Variants in KNSTRN observed in about 807,000 individuals in gnomAD.
KNSTRN encodes the protein small kinetochore-associated protein.
A neutral mutation model predicts 44.7 loss-of-function variants in KNSTRN; 38 were observed. That is an observed-to-expected ratio of 0.85 (90% CI 0.66 to 1.11). The LOEUF (loss-of-function observed/expected upper bound fraction) is 1.11. Ranked by LOEUF, KNSTRN falls within the 50% of genes most tolerant of loss-of-function variation. KNSTRN has a pLI of 0.00. For synonymous variants in KNSTRN, 158 were observed against 148.1 expected (o/e 1.07, Z -0.48); for missense variants, 406 against 375.8 (o/e 1.08, Z -0.66).
chr15:40,382,813 T>G lies in KNSTRN; in HGVS notation c.-23T>G. Reference sequence around the variant, plus strand: ...CCTTTCGCTAGGTCTGGCTCTGGCCTCTGAGCGAACCTTCCGTACAGTATG... The same window carrying G: ...CCTTTCGCTAGGTCTGGCTCTGGCCGCTGAGCGAACCTTCCGTACAGTATG... On this transcript the variant is annotated 5_prime_UTR_variant, in exon 1 of 9. Coordinates refer to ENST00000249776, the MANE Select transcript of KNSTRN (RefSeq NM_033286.4). The G allele has an allele frequency of 6.2e-7, 1 of 1,604,272 alleles. No homozygotes were observed.
chr15:40,385,332 A>T (rs188022863), intron 2 of KNSTRN, among the ~76,000 whole-genome samples: 1 of 152,324 alleles, frequency 6.6e-6, no homozygotes, highest in East Asian at 1.9e-4. Flanking sequence ...TCCTTTGGGG[A>T]AGAAGAGTGT....
Position 40,393,587 on chromosome 15 carries a change from T to G in KNSTRN, c.941T>G (p.Leu314Ter). Residue 314 changes from leucine to a stop codon, truncating the protein, a stop_gained, in exon 9 of 9, where the codon TTA becomes TGA. Coordinates refer to ENST00000249776, the MANE Select transcript of KNSTRN (RefSeq NM_033286.4). LOFTEE classifies it high-confidence loss of function. ...TTALKEMEQLLEM is the reference protein window; with the variant it reads ...TTALKEMEQL Reference sequence around the variant, plus strand: ...GCCCTTAAGGAAATGGAGCAGCTATTAGAAATGTAAGAAGAAGCAAGTGGC... The same window carrying G: ...GCCCTTAAGGAAATGGAGCAGCTATGAGAAATGTAAGAAGAAGCAAGTGGC... The G allele has an allele frequency of 1.2e-6, 2 of 1,613,648 alleles. No individual in the cohort carries two copies. The highest frequency in any genetic ancestry group is 2.2e-5 in the South Asian group (2 of 90,954).
chr15:40,385,711 G>A (rs1889889908), intron 2 of KNSTRN, among the ~76,000 whole-genome samples: 1 of 152,150 alleles, frequency 6.6e-6, no homozygotes, highest in Admixed American at 6.5e-5. Flanking sequence ...CAGAGTGCTT[G>A]GAGGAGCTTA....
In KNSTRN at chr15:40,387,190, A is replaced by C. The variant is rs759799029; in HGVS notation, c.469A>C (p.Arg157=). Reference sequence around the variant, plus strand: ...GAAAGCTACTGACACTGCCACCAGAAGGAATGTCAGAAAAGGGTGAGCATC... The same window carrying C: ...GAAAGCTACTGACACTGCCACCAGACGGAATGTCAGAAAAGGGTGAGCATC... ...QMKATDTATR[R]NVRKGYKPLS... The change falls in exon 4 of 9, where the codon AGG becomes CGG. Residue 157 remains arginine (R), a synonymous_variant. Transcript: ENST00000249776. The C allele has an allele frequency of 8.1e-6, 13 of 1,613,458 alleles. No individual in the cohort carries two copies. Among genetic ancestry groups the C allele is most frequent in the Non-Finnish European group, 1.0e-5 (12 of 1,179,494 alleles).
intron 3 of KNSTRN, chr15:40,386,933 A>G: frequency 1.7e-6 from 1 of 583,314 alleles, no homozygotes; most frequent in Non-Finnish European, 3.1e-6. Context: ...CAGCTCTGTC[A>G]GGTTGTTAGG....
chr15:40,388,913 T>G (rs1300595060), intron 4 of KNSTRN, among the ~76,000 whole-genome samples: 2 of 152,180 alleles, frequency 1.3e-5, no homozygotes, highest in African/African-American at 2.4e-5. Context: ...TTAGAGTTTA[T>G]TAGATGATAA....
chr15:40,384,139 C>T lies in KNSTRN; in HGVS notation c.304+817C>T, dbSNP rs8031503. 2.9e-3 allele frequency: 586 copies of T among 199,480 alleles called. 3 individuals are homozygous for T. The highest frequency in any genetic ancestry group is 0.013 in the African/African-American group (541 of 42,230). 12.4% of individuals were successfully genotyped at this position (199,480 alleles called of 1,614,324 possible). ...CTGTAATCCCAGCACTTTGGGAGGG[C>T]GAGGTGGGCAGATCACGAGGTCAGG... On this transcript the variant is annotated intron_variant, in intron 2 of 8. Transcript: ENST00000249776.
intron 2 of KNSTRN, 100 bp downstream of exon 2, chr15:40,383,422 C>T: frequency 1.1e-6 from 1 of 887,404 alleles, no homozygotes; most frequent in Non-Finnish European, 1.7e-6. Context: ...GAAGGGCGTC[C>T]CGTCGGCCCT....
chr15:40,393,255 A>G (rs774708387), intron 8 of KNSTRN: 50 of 1,613,882 alleles, frequency 3.1e-5, no homozygotes, highest in Non-Finnish European at 4.2e-5. Context: ...TCCAGTTTAG[A>G]TACAGGAGTC....
intron 6 of KNSTRN, 41 bp downstream of exon 6, chr15:40,389,970 G>T: frequency 2.0e-6 from 3 of 1,501,322 alleles, no homozygotes; most frequent in Non-Finnish European, 2.8e-6. Context: ...GAAGGAATTG[G>T]TGCATGTGCC....
intron 3 of KNSTRN, chr15:40,386,794 A>C: frequency 2.0e-6 from 1 of 502,782 alleles, no homozygotes; most frequent in South Asian, 2.3e-5. Context: ...CAGGGTGGGG[A>C]CTAGTTGTTA....
Position 40,382,765 on chromosome 15 carries a change from G to T in KNSTRN, c.-71G>T. ...ACAAATTGCATCACCCTCCTCCTCT[G>T]CCCAGACCTGGGGGCTCCAACACCT... On this transcript the variant is annotated 5_prime_UTR_variant, in exon 1 of 9. Coordinates refer to ENST00000249776, the MANE Select transcript of KNSTRN (RefSeq NM_033286.4). The T allele has an allele frequency of 7.2e-7, 1 of 1,397,452 alleles. No individual in the cohort carries two copies. Among genetic ancestry groups the T allele is most frequent in the Non-Finnish European group, 9.9e-7 (1 of 1,013,100 alleles). The allele number at this position is 1,397,452 out of a possible 1,614,324, so 86.6% of individuals were successfully genotyped here.
Sources: gnomAD v4.1 joint callset for allele counts (sites outside exome capture counted in the v4.1 genomes callset) on GRCh38, gnomAD v4.1.1 for gene constraint, MANE v1.5 for transcripts, NCBI Gene and HGNC (gene_info 2026-07-23, HGNC 2026-07-21) for gene names.